Variants in TEX9 observed in about 807,000 individuals in gnomAD.
TEX9 encodes testis expressed 9, also known as testis-expressed protein 9.
A neutral mutation model predicts 59.6 loss-of-function variants in TEX9; 74 were observed. The ratio of observed to expected loss-of-function variants is 1.24; its 90% CI spans 1.03 to 1.51. The LOEUF is 1.51. TEX9 is among the 40% of genes most tolerant of loss of function. The pLI is 0.00. For missense variants in TEX9, 522 were observed against 447.8 expected (o/e 1.17, Z -1.49); for synonymous variants, 186 against 152.2 (o/e 1.22, Z -1.64).
chr15:56,285,625 G>A (rs2044935134), intron 1 of TEX9, among the ~76,000 whole-genome samples: 1 of 152,138 alleles, frequency 6.6e-6, no homozygotes, highest in Non-Finnish European at 1.5e-5. Context: ...ATTTTGGCCT[G>A]CTAGTTCCTT....
chr15:56,352,122 C>T lies in TEX9; in HGVS notation c.-106-21319C>T, dbSNP rs2046594516. Among the ~76,000 whole-genome samples, 4 of 152,174 alleles carry T rather than the reference C, an allele frequency of 2.6e-5. No homozygotes were observed. The South Asian group carries it at 8.3e-4, about 32-fold the overall frequency. ...AATGAAAGAACCCACAACTTTAACA[C>T]TTTGTGAATGAACTTCATTTCCAGG... On this transcript the variant is annotated intron_variant, in intron 1 of 5. Transcript: ENST00000560827.
chr15:56,371,048 G>T (rs1314416332), intron 2 of TEX9, among the ~76,000 whole-genome samples: 1 of 152,122 alleles, frequency 6.6e-6, no homozygotes, highest in South Asian at 2.1e-4. Context: ...GTAGAGCCGG[G>T]GTTTCGCTAT....
chr15:56,304,476 T>C (rs1397881435), intron 1 of TEX9, among the ~76,000 whole-genome samples: 3 of 152,216 alleles, frequency 2.0e-5, no homozygotes, highest in African/African-American at 7.2e-5. Flanking sequence ...TATCAAATGT[T>C]TTTCAGCATC....
chr15:56,444,380 CAACA>C, intron 12 of TEX9: 1 of 1,418,440 alleles, frequency 7.1e-7, no homozygotes. Context: ...CAGTTCCTCA[CAACA>C]AACCTGTGAT....
chr15:56,301,738 A>G (rs766830562), intron 1 of TEX9, among the ~76,000 whole-genome samples: 15 of 152,194 alleles, frequency 9.9e-5, no homozygotes, highest in Middle Eastern at 3.2e-3. Flanking sequence ...AGACTTTCCT[A>G]GACAAAAACT....
Position 56,422,259 on chromosome 15 carries a change from TAATAA to T in TEX9, c.964-5338_964-5334del, listed in dbSNP as rs1409940970. ...AAAACTTAAAGTATAATTAAAAAAA[TAATAA>T]AATAAAAAAATAAAAAAATCCAATC... On this transcript the variant is annotated intron_variant, in intron 10 of 12. Transcript: ENST00000352903. Among the ~76,000 whole-genome samples the T allele has an allele frequency of 4.5e-4, 69 of 151,742 alleles. 1 individual carries two copies. The highest frequency in any genetic ancestry group is 3.4e-3 in the Middle Eastern group (1 of 294).
At chr15:56,402,121 TAACTA>T (rs1341555045) in intron 9 of TEX9, among the ~76,000 whole-genome samples, 13 of 151,774 alleles carry the variant, frequency 8.6e-5, no homozygotes, top group Admixed American at 2.0e-4. Flanking sequence ...AAGCAAGAAA[TAACTA>T]AGATCAGAGC....
At chr15:56,349,214 T>C (rs1463459151) in intron 1 of TEX9, among the ~76,000 whole-genome samples, 4 of 152,210 alleles carry the variant, frequency 2.6e-5, no homozygotes, top group African/African-American at 9.6e-5. Flanking sequence ...ATAATATGAA[T>C]GCTTATGTTG....
chr15:56,407,114 A>G (rs1231370606), intron 9 of TEX9, among the ~76,000 whole-genome samples: 2 of 152,016 alleles, frequency 1.3e-5, no homozygotes, highest in Non-Finnish European at 2.9e-5. Context: ...TCAAAATCAT[A>G]TATAAATTGA....
At chr15:56,248,136 C>T (rs1164348326) in intron 1 of TEX9, among the ~76,000 whole-genome samples, 2 of 152,002 alleles carry the variant, frequency 1.3e-5, no homozygotes, top group African/African-American at 4.8e-5. Flanking sequence ...TCTTTAATAG[C>T]ATTAGAGAGA....
intron 1 of TEX9, among the ~76,000 whole-genome samples, chr15:56,316,577 G>T (rs2460645): frequency 5.9e-5 from 9 of 151,554 alleles, no homozygotes; most frequent in Admixed American, 1.3e-4. Flanking sequence ...GACATTTAAG[G>T]CTGCAGAGGT....
At chr15:56,306,653 A>C (rs1375646256) in intron 1 of TEX9, among the ~76,000 whole-genome samples, 1 of 152,200 alleles carries the variant, frequency 6.6e-6, no homozygotes, top group African/African-American at 2.4e-5. Flanking sequence ...ATGGATACAA[A>C]AATATGGTTA....
chr15:56,403,552 C>A (rs2048910315), intron 9 of TEX9, among the ~76,000 whole-genome samples: 1 of 152,228 alleles, frequency 6.6e-6, no homozygotes, highest in African/African-American at 2.4e-5. Context: ...AATGGGCATA[C>A]TGCCCAAGGT....
intron 1 of TEX9, among the ~76,000 whole-genome samples, chr15:56,309,693 G>GTTTATTTTTTTTTT (rs1290352080): frequency 6.6e-5 from 4 of 60,768 alleles, no homozygotes; most frequent in Admixed American, 2.2e-4. Context: ...TTTATGGGAA[G>GTTTATTTTTTTTTT]TTTTTTTTTT....
chr15:56,256,908 C>G (rs2044157054), intron 1 of TEX9, among the ~76,000 whole-genome samples: 1 of 151,820 alleles, frequency 6.6e-6, no homozygotes, highest in Non-Finnish European at 1.5e-5. Context: ...TAGTTCATTA[C>G]TTATTTTTTT....
At chr15:56,431,268 C>T (rs1361331622) in intron 12 of TEX9, 1 of 1,339,638 alleles carries the variant, frequency 7.5e-7, no homozygotes, top group African/African-American at 1.5e-5. Flanking sequence ...TGCTTCATAA[C>T]CGAGCAAGAA....
At chr15:56,393,349 A>C (rs2048306216) in intron 7 of TEX9, among the ~76,000 whole-genome samples, 1 of 152,126 alleles carries the variant, frequency 6.6e-6, no homozygotes, top group Non-Finnish European at 1.5e-5. Flanking sequence ...GATAACACTG[A>C]GGGCACTTAA....
chr15:56,372,091 G>A (rs2047215997), intron 2 of TEX9, among the ~76,000 whole-genome samples: 1 of 152,106 alleles, frequency 6.6e-6, no homozygotes, highest in Non-Finnish European at 1.5e-5. Context: ...CATTTCCATG[G>A]ATTTAGAGTA....
At chr15:56,275,092 T>A (rs1256474785) in intron 1 of TEX9, among the ~76,000 whole-genome samples, 1 of 152,202 alleles carries the variant, frequency 6.6e-6, no homozygotes, top group Non-Finnish European at 1.5e-5. Flanking sequence ...TATGTCCCTA[T>A]GTCTAAGGGT....
Sources: allele counts gnomAD v4.1 joint callset (sites outside exome capture counted in the v4.1 genomes callset), GRCh38; gene constraint gnomAD v4.1.1; transcripts MANE v1.5; gene names NCBI Gene and HGNC (gene_info 2026-07-23, HGNC 2026-07-21).